Variants in COL25A1 observed in about 807,000 individuals in gnomAD.
COL25A1 encodes collagen alpha-1(XXV) chain.
COL25A1 carries 103 observed loss-of-function variants against 128.4 expected under a neutral mutation model. That is an observed-to-expected ratio of 0.80 (90% CI 0.68 to 0.94). The LOEUF (loss-of-function observed/expected upper bound fraction) is 0.94. COL25A1 is among the 40% of genes least tolerant of loss of function. The pLI is 0.00. For synonymous variants in COL25A1, 279 were observed against 277.2 expected (o/e 1.01, Z -0.06); for missense variants, 745 against 840.0 (o/e 0.89, Z 1.40).
chr4:108,915,622 A>C (rs72668367), intron 13 of COL25A1, among the ~76,000 whole-genome samples: 33,842 of 151,894 alleles, frequency 0.22, 4,058 homozygotes, highest in African/African-American at 0.28. Context: ...ATAGGATAGG[A>C]TCTCACTATG....
At chr4:109,050,294 A>G in intron 3 of COL25A1, 115 bp from the exon 4 acceptor site, 1 of 713,266 alleles carries the variant, frequency 1.4e-6, no homozygotes, top group Non-Finnish European at 2.3e-6. Flanking sequence ...CAACTTCAAG[A>G]AAGGGATCAG....
Position 108,852,263 on chromosome 4 carries a change from A to G in COL25A1, c.1362T>C (p.Pro454=). The G allele has an allele frequency of 6.3e-7, 1 of 1,599,628 alleles. No individual in the cohort carries two copies. Among genetic ancestry groups the G allele is most frequent in the Admixed American group, 1.8e-5 (1 of 55,872 alleles). The change falls in exon 26 of 38, where the codon CCT becomes CCC. Residue 454 remains proline, a synonymous_variant. Coordinates refer to ENST00000399132, the MANE Select transcript of COL25A1 (RefSeq NM_198721.4). ...TTGGCCCTTGTAGTCCTTGAGGTCCAGGAGGTCCAGGGGGACCCTAAATCA... is the reference window on the plus strand; with the variant it reads ...TTGGCCCTTGTAGTCCTTGAGGTCCGGGAGGTCCAGGGGGACCCTAAATCA... ...TLTVTGPPGP[P]GPQGLQGPKG...
rs1466809569 is a variant in COL25A1, at chr4:109,249,821, T to G, written c.367+50762A>C. On this transcript the variant is annotated intron_variant, in intron 3 of 37. Transcript: ENST00000399132. ...TGTGTTAGCAAGGAAATTGGGTAAC[T>G]ACTTACTTGAGATAATTCTAAAGTT... 1.3e-5 allele frequency among the ~76,000 whole-genome samples: 2 copies of G among 152,218 alleles called. 1 individual carries two copies. The highest frequency in any genetic ancestry group is 2.9e-5 in the Non-Finnish European group (2 of 68,032).
At chr4:108,818,199 A>G (rs886296812) in intron 36 of COL25A1, among the ~76,000 whole-genome samples, 2 of 152,188 alleles carry the variant, frequency 1.3e-5, no homozygotes, top group Admixed American at 1.3e-4. Context: ...CAACAAAATG[A>G]TCATAAAATA....
intron 3 of COL25A1, among the ~76,000 whole-genome samples, chr4:109,192,631 A>C (rs1478649370): frequency 6.6e-6 from 1 of 152,164 alleles, no homozygotes; most frequent in Non-Finnish European, 1.5e-5. Context: ...GAGGCGGCAG[A>C]TCACGAGGTC....
At chr4:108,816,867 C>A (rs1731300012) in intron 37 of COL25A1, among the ~76,000 whole-genome samples, 1 of 152,118 alleles carries the variant, frequency 6.6e-6, no homozygotes. Flanking sequence ...CACACAGTGA[C>A]TATGGGCAGT....
intron 27 of COL25A1, among the ~76,000 whole-genome samples, chr4:108,847,814 T>C (rs1735292773): frequency 6.6e-6 from 1 of 152,184 alleles, no homozygotes; most frequent in Admixed American, 6.5e-5. Flanking sequence ...ATAACTCTGA[T>C]AGTAAAAATA....
intron 32 of COL25A1, among the ~76,000 whole-genome samples, chr4:108,831,527 G>A (rs552666619): frequency 2.6e-5 from 4 of 152,150 alleles, no homozygotes; most frequent in Non-Finnish European, 2.9e-5. Flanking sequence ...GAATCATTCC[G>A]ACATTTTGAA....
intron 19 of COL25A1, among the ~76,000 whole-genome samples, chr4:108,869,678 G>A (rs1202164926): frequency 1.3e-5 from 2 of 151,860 alleles, no homozygotes; most frequent in Admixed American, 1.3e-4. Context: ...TGAGATGAGC[G>A]TTCACATTAG....
intron 37 of COL25A1, 138 bp from the exon 38 acceptor site, chr4:108,814,067 C>T (rs972787261): frequency 2.2e-5 from 14 of 645,610 alleles, no homozygotes; most frequent in African/African-American, 7.4e-5. Context: ...TATCAATGAG[C>T]CAATTGATTA....
Position 108,809,200 on chromosome 4 carries a change from AT to A in COL25A1, c.*4726del. On this transcript the variant is annotated 3_prime_UTR_variant, in exon 38 of 38. Coordinates refer to ENST00000399132, the MANE Select transcript of COL25A1 (RefSeq NM_198721.4). ...CTTGCCAAAATATTTTTTTTTGCAT[AT>A]TTCACTTATTTTGTATTTATGTGAG... The A allele has an allele frequency of 6.6e-6, 1 of 152,064 alleles. No homozygotes were observed. Among genetic ancestry groups the A allele is most frequent in the Middle Eastern group, 3.4e-3 (1 of 294 alleles). The allele number at this position is 152,064 out of a possible 1,614,324, so 9.4% of individuals were successfully genotyped here.
chr4:109,270,530 A>G (rs2126264416), intron 3 of COL25A1, among the ~76,000 whole-genome samples: 1 of 152,278 alleles, frequency 6.6e-6, no homozygotes, highest in African/African-American at 2.4e-5. Context: ...GAAAGATGCA[A>G]ATTCTTAAAG....
chr4:108,876,865 T>C (rs1448852960), intron 19 of COL25A1, among the ~76,000 whole-genome samples: 1 of 152,240 alleles, frequency 6.6e-6, no homozygotes, highest in African/African-American at 2.4e-5. Flanking sequence ...ATGAGTTTTA[T>C]CCTTTGGTTA....
intron 3 of COL25A1, among the ~76,000 whole-genome samples, chr4:109,119,813 A>T (rs79040915): frequency 0.032 from 4,931 of 152,148 alleles, 142 homozygotes; most frequent in South Asian, 0.13. Flanking sequence ...CACCAAAACC[A>T]GTTAAAGTCA....
intron 8 of COL25A1, among the ~76,000 whole-genome samples, chr4:108,968,859 TA>T (rs1751609894): frequency 6.6e-6 from 1 of 152,204 alleles, no homozygotes; most frequent in Admixed American, 6.5e-5. Context: ...TCTTCTGACC[TA>T]TTTTATCAAG....
chr4:108,870,301 T>G (rs1738550803), intron 19 of COL25A1, among the ~76,000 whole-genome samples: 1 of 152,092 alleles, frequency 6.6e-6, no homozygotes, highest in South Asian at 2.1e-4. Flanking sequence ...TCAAATATTT[T>G]TCACAGAAGT....
In COL25A1 at chr4:108,810,173, A is replaced by T. The variant is rs1329414059; in HGVS notation, c.*3754T>A. On this transcript the variant is annotated 3_prime_UTR_variant, in exon 38 of 38. Coordinates refer to ENST00000399132, the MANE Select transcript of COL25A1 (RefSeq NM_198721.4). The stretch of plus-strand genomic sequence containing the variant: ...GGATAACAAATGATGTTAACTTTTC[A>T]TGCTTCAATAGTAACATTAAAAAAA... 6.6e-6 allele frequency: 1 copy of T among 151,830 alleles called. No homozygotes were observed. Among genetic ancestry groups the T allele is most frequent in the Non-Finnish European group, 1.5e-5 (1 of 67,784 alleles). 9.4% of individuals were successfully genotyped at this position (151,830 alleles called of 1,614,324 possible).
intron 3 of COL25A1, among the ~76,000 whole-genome samples, chr4:109,279,454 C>A (rs1723163935): frequency 6.6e-6 from 1 of 152,244 alleles, no homozygotes; most frequent in Admixed American, 6.5e-5. Flanking sequence ...ATCTGCACAC[C>A]TCAGTCCCAG....
chr4:109,162,371 T>C (rs1284628437), intron 3 of COL25A1, among the ~76,000 whole-genome samples: 1 of 152,196 alleles, frequency 6.6e-6, no homozygotes, highest in Non-Finnish European at 1.5e-5. Context: ...GAAATTAATT[T>C]GTTAAGGTCA....
Sources: allele counts gnomAD v4.1 joint callset (sites outside exome capture counted in the v4.1 genomes callset), GRCh38; gene constraint gnomAD v4.1.1; transcripts MANE v1.5; gene names NCBI Gene and HGNC (gene_info 2026-07-23, HGNC 2026-07-21).